Variants in CHRM2 observed in about 807,000 individuals in gnomAD.
CHRM2 encodes the protein muscarinic acetylcholine receptor M2.
In CHRM2, 8 loss-of-function variants were observed where a neutral mutation model predicts 25.0. The observed-to-expected ratio is 0.32, with a 90% CI of 0.19 to 0.58. The LOEUF is 0.58. Among genes scored for constraint, CHRM2 ranks in the 20% least tolerant of loss-of-function variants. The probability of loss-of-function intolerance (pLI) is 0.88; values close to 1 mark genes in which losing one functional copy is unlikely to be tolerated. For synonymous variants in CHRM2, 202 were observed against 205.7 expected (o/e 0.98, Z 0.15); for missense variants, 440 against 567.1 (o/e 0.78, Z 2.28).
intron 2 of CHRM2, chr7:136,902,877 T>C: frequency 3.1e-6 from 1 of 320,612 alleles, no homozygotes; most frequent in Non-Finnish European, 6.0e-6. Context: ...GCACAGAATT[T>C]TGTACTCTTT....
In CHRM2 at chr7:136,869,110, A is replaced by T. The variant is rs1010765407; in HGVS notation, c.-283+118A>T. On this transcript the variant is annotated intron_variant, in intron 1 of 3. Coordinates refer to ENST00000680005, the MANE Select transcript of CHRM2 (RefSeq NM_001006630.2). This position sits in a 1 kb window ranked among gnomAD's most constrained non-coding sequence, Gnocchi z 4.9. ...ACAGACTAGCCAAGTGGCTGAGACG[A>T]GTGTGGGGTGCGTGACTCTGCCTGC... The T allele has an allele frequency of 2.6e-5, 4 of 152,004 alleles. No individual in the cohort carries two copies. The highest frequency in any genetic ancestry group is 9.7e-5 in the African/African-American group (4 of 41,352). The allele number at this position is 152,004 out of a possible 1,614,324, so 9.4% of individuals were successfully genotyped here. A position where few individuals can be genotyped will look rare whatever the true frequency, so the allele number is the denominator to read the frequency against.
intron 2 of CHRM2, among the ~76,000 whole-genome samples, chr7:136,925,224 A>G (rs1045937662): frequency 5.9e-5 from 9 of 152,162 alleles, no homozygotes; most frequent in African/African-American, 1.9e-4. Flanking sequence ...AATGAAGGCT[A>G]TGTTTATGTT....
chr7:137,014,920 A>T lies in CHRM2; in HGVS notation c.55A>T (p.Lys19Ter). The T allele has an allele frequency of 6.2e-7, 1 of 1,613,234 alleles. No homozygotes were observed. Among genetic ancestry groups the T allele is most frequent in the East Asian group, 2.2e-5 (1 of 44,770 alleles). Residue 19 changes from lysine (K) to a stop codon, truncating the protein, a stop_gained, in exon 4 of 4, where the codon AAG (lysine) becomes TAG (stop). Transcript: ENST00000680005. LOFTEE classifies it high-confidence loss of function. ...NNSLALTSPYKTFEVVFIVLV... is the reference protein window; with the variant it reads ...NNSLALTSPY ...TAGCCTGGCTCTTACAAGTCCTTAT[A>T]AGACATTTGAAGTGGTGTTTATTGT... is the stretch of plus-strand genomic sequence containing the variant.
At chr7:136,890,142 C>T (rs1584703115) in intron 2 of CHRM2, among the ~76,000 whole-genome samples, 2 of 152,312 alleles carry the variant, frequency 1.3e-5, no homozygotes, top group South Asian at 4.1e-4. Context: ...TGAGACAATA[C>T]ATTTCTAATC....
chr7:136,953,643 C>T (rs1435741622), intron 2 of CHRM2, among the ~76,000 whole-genome samples: 1 of 151,898 alleles, frequency 6.6e-6, no homozygotes, highest in Non-Finnish European at 1.5e-5. Flanking sequence ...TGACTTTTTC[C>T]TCCGAGAGCT....
chr7:136,984,135 G>A (rs1802678725), intron 2 of CHRM2, among the ~76,000 whole-genome samples: 1 of 152,218 alleles, frequency 6.6e-6, no homozygotes, highest in Non-Finnish European at 1.5e-5. Context: ...GAGATGCTGT[G>A]TCCAGAGAGG....
Position 136,946,279 on chromosome 7 carries a change from G to T in CHRM2, c.-124-45908G>T, listed in dbSNP as rs991834168. ...GATGTTGGAAACAGTATCAAAATAGGTTATATAAGCTGATAAAATTATATT... is the reference window on the plus strand; with the variant it reads ...GATGTTGGAAACAGTATCAAAATAGTTTATATAAGCTGATAAAATTATATT... On this transcript the variant is annotated intron_variant, in intron 2 of 3. Transcript: ENST00000680005. 1.3e-4 allele frequency among the ~76,000 whole-genome samples: 20 copies of T among 152,076 alleles called. 1 individual carries two copies. Among genetic ancestry groups the T allele is most frequent in the Non-Finnish European group, 4.4e-5 (3 of 68,002 alleles).
intron 2 of CHRM2, among the ~76,000 whole-genome samples, chr7:136,893,018 TTCTCTTGTTCTCTC>T (rs1404888171): frequency 6.6e-6 from 1 of 152,178 alleles, no homozygotes; most frequent in Non-Finnish European, 1.5e-5. Flanking sequence ...GTATCCTCTC[TTCTCTTGTTCTCTC>T]TCTCTTGTTC....
chr7:136,960,568 T>G (rs1801009361), intron 2 of CHRM2, among the ~76,000 whole-genome samples: 1 of 152,238 alleles, frequency 6.6e-6, no homozygotes, highest in Non-Finnish European at 1.5e-5. Flanking sequence ...CTATAAGTTG[T>G]AGAGTAACTG....
intron 2 of CHRM2, among the ~76,000 whole-genome samples, chr7:136,933,908 G>C (rs1051475688): frequency 6.6e-6 from 1 of 152,130 alleles, no homozygotes; most frequent in Non-Finnish European, 1.5e-5. Flanking sequence ...GGGTTTGTGA[G>C]TTTGGGAAAA....
intron 3 of CHRM2, among the ~76,000 whole-genome samples, chr7:136,995,237 G>C (rs534744602): frequency 7.9e-5 from 12 of 152,086 alleles, no homozygotes; most frequent in African/African-American, 2.9e-4. Context: ...GTGGCAAAAA[G>C]ATCCCATTCA....
intron 3 of CHRM2, among the ~76,000 whole-genome samples, chr7:137,000,216 TCGG>T (rs1294403143): frequency 2.7e-4 from 25 of 92,104 alleles, no homozygotes; most frequent in African/African-American, 1.1e-3. Flanking sequence ...TTTTTTTTTT[TCGG>T]ACAGAGTCTC....
At chr7:136,875,619 A>C (rs1454612376) in intron 2 of CHRM2, among the ~76,000 whole-genome samples, 1 of 152,148 alleles carries the variant, frequency 6.6e-6, no homozygotes, top group Admixed American at 6.5e-5. Context: ...ACATTGCCAG[A>C]GTGACCTTTC....
At chr7:136,904,591 C>A (rs1797430133) in intron 2 of CHRM2, among the ~76,000 whole-genome samples, 1 of 151,588 alleles carries the variant, frequency 6.6e-6, no homozygotes, top group Non-Finnish European at 1.5e-5. Flanking sequence ...GTAGTTACTT[C>A]TTTTTAATTC....
chr7:137,001,416 T>G (rs1005555166), intron 3 of CHRM2, among the ~76,000 whole-genome samples: 1 of 152,142 alleles, frequency 6.6e-6, no homozygotes, highest in East Asian at 1.9e-4. Context: ...AGGCAAGCTG[T>G]TCATAAGTTA....
intron 2 of CHRM2, chr7:136,914,395 G>C (rs1375210663): frequency 6.6e-6 from 1 of 151,948 alleles, no homozygotes; most frequent in Non-Finnish European, 1.5e-5. Flanking sequence ...TTTCAGAGAA[G>C]CAGAGCAGAG....
chr7:136,954,454 C>T (rs1800599539), intron 2 of CHRM2, among the ~76,000 whole-genome samples: 1 of 152,162 alleles, frequency 6.6e-6, no homozygotes, highest in South Asian at 2.1e-4. Flanking sequence ...CTGTCTTTCT[C>T]TAAGATCTTA....
intron 2 of CHRM2, among the ~76,000 whole-genome samples, chr7:136,904,161 TA>T (rs1797401031): frequency 6.6e-6 from 1 of 152,036 alleles, no homozygotes; most frequent in South Asian, 2.1e-4. Context: ...ATCACTTGAT[TA>T]TATAAAACCA....
chr7:136,878,492 A>C (rs1796134414), intron 2 of CHRM2, among the ~76,000 whole-genome samples: 1 of 151,870 alleles, frequency 6.6e-6, no homozygotes, highest in African/African-American at 2.4e-5. Context: ...CTTTATTTTA[A>C]AATAAGCCTG....
Sources: allele counts gnomAD v4.1 joint callset (sites outside exome capture counted in the v4.1 genomes callset), GRCh38; gene constraint gnomAD v4.1.1; non-coding constraint Gnocchi (gnomAD v3.1); transcripts MANE v1.5; gene names NCBI Gene and HGNC (gene_info 2026-07-23, HGNC 2026-07-21).